ANKS1B: variants seen among roughly 807,000 people sequenced by gnomAD.
ANKS1B encodes the protein ankyrin repeat and sterile alpha motif domain containing 1B.
In ANKS1B, 36 loss-of-function variants were observed where a neutral mutation model predicts 148.3. The ratio of observed to expected loss-of-function variants is 0.24; its 90% confidence interval spans 0.19 to 0.32. The LOEUF is 0.32. Ranked by LOEUF, ANKS1B falls within the 10% of genes least tolerant of loss-of-function variation. The pLI is 1.00. For missense variants in ANKS1B, 1,157 were observed against 1,542.6 expected, an observed-to-expected ratio of 0.75 and a Z score of 4.19; for synonymous variants, 542 against 560.8, an observed-to-expected ratio of 0.97 and a Z score of 0.47.
intron 8 of ANKS1B, among the ~76,000 whole-genome samples, chr12:99,733,640 T>G (rs569938373): frequency 6.6e-6 from 1 of 152,332 alleles, no homozygotes; most frequent in African/African-American, 2.4e-5. Flanking sequence ...GATAATTGCA[T>G]TATCCAAAGT....
chr12:98,937,553 T>C (rs1326176003), intron 17 of ANKS1B, among the ~76,000 whole-genome samples: 2 of 152,088 alleles, frequency 1.3e-5, no homozygotes, highest in African/African-American at 4.8e-5. Context: ...CACCTTCCAC[T>C]TGAAAGACTA....
intron 8 of ANKS1B, among the ~76,000 whole-genome samples, chr12:99,688,087 T>G (rs2098659533): frequency 6.6e-6 from 1 of 152,244 alleles, no homozygotes; most frequent in African/African-American, 2.4e-5. Context: ...TTCCAGTGCC[T>G]TGTATCTTAC....
intron 12 of ANKS1B, among the ~76,000 whole-genome samples, chr12:99,394,475 T>C (rs9805016): frequency 0.13 from 20,202 of 152,026 alleles, 2,062 homozygotes; most frequent in East Asian, 0.54. Context: ...AACCACCACA[T>C]GAGGCTCTAT....
rs1274121138 is a variant in ANKS1B at position 99,302,840 on chromosome 12, A to G, written c.1757-55976T>C. 2.0e-5 allele frequency among the ~76,000 whole-genome samples: 3 copies of G among 152,194 alleles called. No individual in the cohort carries two copies. In the East Asian group the frequency reaches 5.8e-4, roughly 29 times the overall value. ...TTGCTTTTCATCATCTAATCAATAA[A>G]ACACATTCTACATAATCCAAAGCAT... On this transcript the variant is annotated intron_variant, in intron 12 of 26. Coordinates refer to ENST00000683438, the MANE Select transcript of ANKS1B (RefSeq NM_001352186.2).
At chr12:98,735,781 T>G (rs1045223916) in intron 9 of ANKS1B, 50 of 504,254 alleles carry the variant, frequency 9.9e-5, no homozygotes, top group Non-Finnish European at 1.7e-4. Flanking sequence ...CTACTGCAGT[T>G]AAGGGCCAGG....
intron 12 of ANKS1B, among the ~76,000 whole-genome samples, chr12:99,397,285 C>T (rs2094276149): frequency 6.6e-6 from 1 of 152,090 alleles, no homozygotes; most frequent in Admixed American, 6.6e-5. Flanking sequence ...CTAATTAATT[C>T]ATTGTTAATC....
intron 1 of ANKS1B, among the ~76,000 whole-genome samples, chr12:99,873,599 A>G (rs1347910343): frequency 6.6e-6 from 1 of 152,080 alleles, no homozygotes; most frequent in Non-Finnish European, 1.5e-5. Flanking sequence ...AGACATACCC[A>G]TCTCCTTTAA....
At chr12:99,099,643 T>G (rs1445437788) in intron 15 of ANKS1B, among the ~76,000 whole-genome samples, 1 of 152,222 alleles carries the variant, frequency 6.6e-6, no homozygotes, top group African/African-American at 2.4e-5. Flanking sequence ...ATCCTTTGGA[T>G]AAAAACACAA....
intron 15 of ANKS1B, among the ~76,000 whole-genome samples, chr12:99,086,694 T>C (rs969686169): frequency 2.0e-5 from 3 of 152,220 alleles, no homozygotes; most frequent in Non-Finnish European, 4.4e-5. Flanking sequence ...GTTTACATAT[T>C]GCTCATTTTA....
At chr12:98,949,874 C>A (rs2099851446) in intron 17 of ANKS1B, 2 of 152,120 alleles carry the variant, frequency 1.3e-5, no homozygotes, top group African/African-American at 4.8e-5. Flanking sequence ...TGCAGGAGGG[C>A]ATCCAATAGG....
intron 12 of ANKS1B, among the ~76,000 whole-genome samples, chr12:99,347,815 TA>T (rs2090924618): frequency 6.6e-6 from 1 of 151,368 alleles, no homozygotes; most frequent in Non-Finnish European, 1.5e-5. Flanking sequence ...AAAAAAATAA[TA>T]AAGTGTGGCC....
intron 15 of ANKS1B, among the ~76,000 whole-genome samples, chr12:99,120,135 G>A (rs1213935474): frequency 2.6e-5 from 4 of 152,088 alleles, no homozygotes; most frequent in Non-Finnish European, 5.9e-5. Flanking sequence ...ACCCACATTC[G>A]CACTCACTCA....
At chr12:98,979,276 AT>A (rs917463968) in intron 17 of ANKS1B, among the ~76,000 whole-genome samples, 11 of 148,734 alleles carry the variant, frequency 7.4e-5, no homozygotes, top group African/African-American at 2.0e-4. Context: ...TAATTAATTA[AT>A]TTTTTTTTGA....
At chr12:99,325,551 G>A (rs1239861509) in intron 12 of ANKS1B, among the ~76,000 whole-genome samples, 2 of 149,858 alleles carry the variant, frequency 1.3e-5, no homozygotes, top group Non-Finnish European at 2.9e-5. Context: ...AAACAACAGC[G>A]AATGCCATAG....
chr12:99,557,149 G>T (rs1567344130), intron 9 of ANKS1B, among the ~76,000 whole-genome samples: 1 of 151,964 alleles, frequency 6.6e-6, no homozygotes, highest in Non-Finnish European at 1.5e-5. Context: ...GTGTGTCTTG[G>T]GGATGGTTGT....
intron 17 of ANKS1B, among the ~76,000 whole-genome samples, chr12:98,868,321 T>C (rs974326541): frequency 6.6e-6 from 1 of 151,900 alleles, no homozygotes; most frequent in Non-Finnish European, 1.5e-5. Flanking sequence ...GTCCCAGGAG[T>C]AGCTTGCCTC....
chr12:99,667,335 C>A (rs11109983), intron 8 of ANKS1B, among the ~76,000 whole-genome samples: 3 of 147,320 alleles, frequency 2.0e-5, no homozygotes, highest in Non-Finnish European at 4.4e-5. Context: ...GGTGACAGAG[C>A]GAGACTCTGT....
intron 3 of ANKS1B, among the ~76,000 whole-genome samples, chr12:99,810,373 A>G (rs898425187): frequency 6.6e-6 from 1 of 151,976 alleles, no homozygotes; most frequent in Admixed American, 6.6e-5. Context: ...TTTATAATTA[A>G]CAAGAAGATT....
At chr12:99,258,621 T>TC (rs2075578773) in intron 12 of ANKS1B, among the ~76,000 whole-genome samples, 1 of 151,136 alleles carries the variant, frequency 6.6e-6, no homozygotes, top group East Asian at 1.9e-4. Flanking sequence ...TTTTTTTTTT[T>TC]TTTTTTTACT....
Sources: gnomAD v4.1 joint callset for allele counts (sites outside exome capture counted in the v4.1 genomes callset) on GRCh38, gnomAD v4.1.1 for gene constraint, MANE v1.5 for transcripts, NCBI Gene and HGNC (gene_info 2026-07-23, HGNC 2026-07-21) for gene names.